The following CNIH3 variants were observed in gnomAD, a reference collection of about 807,000 sequenced individuals.
CNIH3 encodes the protein protein cornichon homolog 3.
In CNIH3, 14 loss-of-function variants were observed where a neutral mutation model predicts 24.1. The ratio of observed to expected loss-of-function variants is 0.58; its 90% confidence interval spans 0.38 to 0.91. CNIH3 has a LOEUF of 0.91. CNIH3 is among the 40% of genes least tolerant of loss of function. The pLI, the probability that CNIH3 is intolerant of heterozygous loss-of-function variation, is 0.00. For missense variants in CNIH3, 178 were observed against 196.8 expected (o/e 0.90, Z 0.57); for synonymous variants, 68 against 73.8 (o/e 0.92, Z 0.40).
Position 224,730,539 on chromosome 1 carries a change from G to A in CNIH3, c.276G>A (p.Gly92=), listed in dbSNP as rs145381577. 2 of 1,558,816 alleles carry A rather than the reference G, an allele frequency of 1.3e-6. No individual in the cohort carries two copies. Among genetic ancestry groups the A allele is most frequent in the Admixed American group, 1.9e-5 (1 of 51,670 alleles). Residue 92 remains glycine (G), a synonymous_variant, in exon 4 of 6, where the codon GGG becomes GGA. Coordinates refer to ENST00000272133, the MANE Select transcript of CNIH3 (RefSeq NM_152495.2). ...FLCAQEWLTL[G]LNVPLLFYHF... is the part of the protein sequence containing the mutation. Reference sequence around the variant, plus strand: ...GTGCGCAAGAGTGGCTCACGCTGGGGCTGAATGTCCCTCTACTTTTCTATC... The same window carrying A: ...GTGCGCAAGAGTGGCTCACGCTGGGACTGAATGTCCCTCTACTTTTCTATC...
chr1:224,670,200 G>A (rs1479392517), intron 1 of CNIH3, among the ~76,000 whole-genome samples: 1 of 152,172 alleles, frequency 6.6e-6, no homozygotes, highest in Non-Finnish European at 1.5e-5. Context: ...CACCTGTTAG[G>A]GAGAGAGAGG....
chr1:224,590,881 C>T (rs755759695), downstream of CNIH3, among the ~76,000 whole-genome samples: 9 of 147,974 alleles, frequency 6.1e-5, no homozygotes, highest in African/African-American at 1.0e-4. Context: ...CCTGGTCACA[C>T]TTCTGGGGCT....
chr1:224,655,407 G>A (rs1169533763), intron 1 of CNIH3, among the ~76,000 whole-genome samples: 4 of 152,114 alleles, frequency 2.6e-5, no homozygotes, highest in Admixed American at 6.5e-5. Flanking sequence ...GGGTGAAGAG[G>A]GATCTGGAAG....
At chr1:224,594,114 A>G (rs1681876197) in intron 3 of CNIH3, among the ~76,000 whole-genome samples, 1 of 152,230 alleles carries the variant, frequency 6.6e-6, no homozygotes, top group South Asian at 2.1e-4. Flanking sequence ...AATTAATGCC[A>G]CAGAACTGAA....
At chr1:224,725,025 A>G (rs1257031028) in intron 3 of CNIH3, among the ~76,000 whole-genome samples, 1 of 152,074 alleles carries the variant, frequency 6.6e-6, no homozygotes, top group Non-Finnish European at 1.5e-5. Flanking sequence ...CCTGGTCAAT[A>G]TAGTGAAACC....
At chr1:224,479,050 A>G (rs2103008569) in intron 1 of CNIH3, among the ~76,000 whole-genome samples, 1 of 152,032 alleles carries the variant, frequency 6.6e-6, no homozygotes, top group East Asian at 1.9e-4. Flanking sequence ...GTGGGGACAC[A>G]GCCAAACTGT....
intron 1 of CNIH3, among the ~76,000 whole-genome samples, chr1:224,644,362 C>T (rs1000582269): frequency 6.6e-6 from 1 of 151,972 alleles, no homozygotes; most frequent in Non-Finnish European, 1.5e-5. Flanking sequence ...AGGGGTGTGC[C>T]TCCACGCCCA....
chr1:224,519,877 T>G (rs1179252549), intron 1 of CNIH3, among the ~76,000 whole-genome samples: 3 of 152,118 alleles, frequency 2.0e-5, no homozygotes. Context: ...TAAAATTGAT[T>G]TTGTCAGTCA....
intron 1 of CNIH3, among the ~76,000 whole-genome samples, chr1:224,472,150 G>A (rs1676399755): frequency 6.6e-6 from 1 of 152,076 alleles, no homozygotes; most frequent in African/African-American, 2.4e-5. Flanking sequence ...CCTCCAAATT[G>A]TTCTTCATAG....
At chr1:224,701,211 T>C (rs1687470110) in intron 3 of CNIH3, among the ~76,000 whole-genome samples, 1 of 151,498 alleles carries the variant, frequency 6.6e-6, no homozygotes, top group Non-Finnish European at 1.5e-5. Flanking sequence ...TTTTTTTTTT[T>C]TGCTGGAGGA....
chr1:224,623,481 T>C (rs1683382012), intron 1 of CNIH3, among the ~76,000 whole-genome samples: 1 of 152,162 alleles, frequency 6.6e-6, no homozygotes, highest in Non-Finnish European at 1.5e-5. Flanking sequence ...TATTGCCTTC[T>C]AACTCATCAG....
chr1:224,535,474 G>A (rs1485917218), intron 2 of CNIH3, among the ~76,000 whole-genome samples: 1 of 152,140 alleles, frequency 6.6e-6, no homozygotes, highest in Non-Finnish European at 1.5e-5. Flanking sequence ...AGAAACAAAC[G>A]GACTGTCCCT....
intron 3 of CNIH3, among the ~76,000 whole-genome samples, chr1:224,559,538 T>C (rs970050315): frequency 1.3e-5 from 2 of 152,140 alleles, no homozygotes; most frequent in Non-Finnish European, 2.9e-5. Flanking sequence ...CTAGTGTTTT[T>C]ATTTTTAAAA....
intron 3 of CNIH3, among the ~76,000 whole-genome samples, chr1:224,710,999 C>G (rs1351953119): frequency 6.6e-6 from 1 of 152,140 alleles, no homozygotes; most frequent in African/African-American, 2.4e-5. Context: ...CTTGAGTTCC[C>G]CACACAGCCT....
chr1:224,520,985 A>G (rs1253412184), intron 1 of CNIH3: 2 of 151,978 alleles, frequency 1.3e-5, no homozygotes, highest in African/African-American at 2.4e-5. Context: ...TTTTCTCTCC[A>G]CCTTCCCCCT....
At chr1:224,509,689 A>T (rs934164661) in intron 1 of CNIH3, among the ~76,000 whole-genome samples, 29 of 152,142 alleles carry the variant, frequency 1.9e-4, no homozygotes, top group African/African-American at 5.8e-4. Flanking sequence ...CCTCTTGGCT[A>T]CAAGATTAAT....
chr1:224,681,950 CT>C (rs1280615533), intron 2 of CNIH3, among the ~76,000 whole-genome samples: 3 of 152,146 alleles, frequency 2.0e-5, no homozygotes, highest in Non-Finnish European at 4.4e-5. Flanking sequence ...CTTTTTGCCT[CT>C]TTGAGTAGCT....
At chr1:224,660,878 C>T (rs1320556950) in intron 1 of CNIH3, among the ~76,000 whole-genome samples, 2 of 152,160 alleles carry the variant, frequency 1.3e-5, no homozygotes, top group Admixed American at 1.3e-4. Context: ...TGTTAGTGTA[C>T]AATCTTGTCC....
At chr1:224,516,776 C>A (rs542635156) in intron 1 of CNIH3, among the ~76,000 whole-genome samples, 2 of 152,240 alleles carry the variant, frequency 1.3e-5, no homozygotes, top group Non-Finnish European at 2.9e-5. Flanking sequence ...AACTTTGCAG[C>A]ACGTTTTCTT....
Sources: gnomAD v4.1 joint callset for allele counts (sites outside exome capture counted in the v4.1 genomes callset) on GRCh38, gnomAD v4.1.1 for gene constraint, MANE v1.5 for transcripts, NCBI Gene and HGNC (gene_info 2026-07-23, HGNC 2026-07-21) for gene names.